Variants in ANKRD40CL observed in about 807,000 individuals in gnomAD.
ANKRD40CL encodes putative ANKRD40 C-terminal-like protein.
For missense variants in ANKRD40CL, 11 were observed against 6.4 expected, an observed-to-expected ratio of 1.71 and a Z score of -0.77; for synonymous variants, 5 against 2.3, an observed-to-expected ratio of 2.14 and a Z score of -1.04.
At chr17:50,764,726 AGCCTGCTTT>A (rs1971267204) in intron 2 of ANKRD40CL, 1 of 152,322 alleles carries the variant, frequency 6.6e-6, no homozygotes, top group Non-Finnish European at 1.5e-5. Flanking sequence ...ACATGTTGAA[AGCCTGCTTT>A]GCACCAGGCA....
At chr17:50,764,392 G>T (rs1971259858) in intron 2 of ANKRD40CL, 1 of 396,382 alleles carries the variant, frequency 2.5e-6, no homozygotes, top group Admixed American at 4.4e-5. Context: ...CAGGAAAAGG[G>T]CAGTAATGAC....
chr17:50,767,276 C>T (rs1367103474), intron 1 of ANKRD40CL, 187 bp downstream of exon 1: 1 of 466,264 alleles, frequency 2.1e-6, no homozygotes, highest in Non-Finnish European at 4.1e-6. Context: ...CCCAGCCAGA[C>T]CCGAGAAGGG....
chr17:50,765,972 TCA>T (rs963071923), intron 2 of ANKRD40CL, among the ~76,000 whole-genome samples: 5 of 152,066 alleles, frequency 3.3e-5, no homozygotes, highest in African/African-American at 1.2e-4. Flanking sequence ...AAGTCAACAA[TCA>T]CAGAATGTTG....
intron 1 of ANKRD40CL, chr17:50,767,243 A>G: frequency 1.9e-6 from 1 of 534,586 alleles, no homozygotes. Context: ...TTCGGAGGGG[A>G]GGCCAGAGAG....
intron 3 of ANKRD40CL, among the ~76,000 whole-genome samples, chr17:50,762,321 AAGGAAC>A (rs1971214944): frequency 6.6e-6 from 1 of 152,168 alleles, no homozygotes; most frequent in South Asian, 2.1e-4. Context: ...AGGATTGCCA[AAGGAAC>A]AGCAGCTCAC....
chr17:50,763,636 ATATC>A, intron 2 of ANKRD40CL, 79 bp from the exon 3 acceptor site: 1 of 398,328 alleles, frequency 2.5e-6, no homozygotes, highest in East Asian at 3.6e-5. Flanking sequence ...AGAGATTTTC[ATATC>A]TATTATTACA....
At chr17:50,761,700 G>A (rs866515390) in intron 3 of ANKRD40CL, among the ~76,000 whole-genome samples, 194 bp from the exon 4 acceptor site, 7 of 152,128 alleles carry the variant, frequency 4.6e-5, no homozygotes, top group Middle Eastern at 3.4e-3. Flanking sequence ...CGCCTCCCAG[G>A]TTCAAGTGAT....
In ANKRD40CL at chr17:50,761,201, C is replaced by A; in HGVS notation, c.*162G>T. ...ACTACTACAGGTGTGCGCCACCACA[C>A]CTAGCTAATTTTTGTATTTTTTTTA... On this transcript the variant is annotated 3_prime_UTR_variant, in exon 4 of 4. Coordinates refer to ENST00000450727, the MANE Select transcript of ANKRD40CL (RefSeq NM_001358683.3). 1 of 356,136 alleles carries A rather than the reference C, an allele frequency of 2.8e-6. No homozygotes were observed. Among genetic ancestry groups the A allele is most frequent in the Non-Finnish European group, 5.0e-6 (1 of 200,080 alleles). 22.1% of individuals were successfully genotyped at this position (356,136 alleles called of 1,614,324 possible).
chr17:50,767,456 T>G lies in ANKRD40CL; in HGVS notation c.-99+7A>C. The G allele has an allele frequency of 3.7e-6, 1 of 272,240 alleles. No homozygotes were observed. Among genetic ancestry groups the G allele is most frequent in the Non-Finnish European group, 7.3e-6 (1 of 136,242 alleles). The allele number at this position is 272,240 out of a possible 1,614,324, so 16.9% of individuals were successfully genotyped here. A position where few individuals can be genotyped will look rare whatever the true frequency, so the allele number is the denominator to read the frequency against. The stretch of plus-strand genomic sequence containing the variant: ...GACAAGAAAGAAGCAGAAAGACCCC[T>G]CCATACCTGGGAAAATGACCTTGGT... On this transcript the variant is annotated splice_region_variant and intron_variant, in intron 1 of 3. Transcript: ENST00000450727.
intron 2 of ANKRD40CL, 95 bp from the exon 3 acceptor site, chr17:50,763,652 C>T: frequency 5.0e-6 from 2 of 397,842 alleles, no homozygotes; most frequent in Non-Finnish European, 8.9e-6. Flanking sequence ...ATTATTACAG[C>T]ATAAATAATC....
chr17:50,766,273 T>C (rs1416766757), intron 2 of ANKRD40CL, among the ~76,000 whole-genome samples: 2 of 152,260 alleles, frequency 1.3e-5, no homozygotes, highest in East Asian at 1.9e-4. Context: ...CACCTGCCAG[T>C]ACCTGACCTG....
chr17:50,761,759 G>A (rs1971205579), intron 3 of ANKRD40CL, among the ~76,000 whole-genome samples: 1 of 151,848 alleles, frequency 6.6e-6, no homozygotes, highest in Admixed American at 6.6e-5. Flanking sequence ...TGAGTAGCTG[G>A]GATTCAGACA....
chr17:50,766,787 C>T, intron 2 of ANKRD40CL, 87 bp downstream of exon 2: 2 of 594,520 alleles, frequency 3.4e-6, no homozygotes, highest in Non-Finnish European at 5.9e-6. Flanking sequence ...CACTGCTGGC[C>T]ACAGCATCAC....
chr17:50,767,451 A>C lies in ANKRD40CL; in HGVS notation c.-99+12T>G. 3.7e-6 allele frequency: 1 copy of C among 268,758 alleles called. No homozygotes were observed. The highest frequency in any genetic ancestry group is 4.2e-5 in the South Asian group (1 of 23,934). The allele number at this position is 268,758 out of a possible 1,614,324, so 16.6% of individuals were successfully genotyped here. A position where few individuals can be genotyped will look rare whatever the true frequency, so the allele number is the denominator to read the frequency against. On this transcript the variant is annotated intron_variant, in intron 1 of 3. Transcript: ENST00000450727. ...TGCATGACAAGAAAGAAGCAGAAAG[A>C]CCCCTCCATACCTGGGAAAATGACC...
At chr17:50,763,971 C>G (rs1335042713) in intron 2 of ANKRD40CL, 1 of 393,690 alleles carries the variant, frequency 2.5e-6, no homozygotes, top group Admixed American at 4.4e-5. Flanking sequence ...TGCAGAGGAG[C>G]AAATCGCTCT....
Position 50,761,411 on chromosome 17 carries a change from C to T in ANKRD40CL, c.297G>A (p.Leu99=). ...SSRLTEYVPS[L]TERPCYDSKA... ...TGCTATCATAGCAGGGCCTTTCTGTCAGAGATGGCACATATTCTGTCAATC... is the reference window on the plus strand; with the variant it reads ...TGCTATCATAGCAGGGCCTTTCTGTTAGAGATGGCACATATTCTGTCAATC... Residue 99 remains leucine (L), a synonymous_variant, in exon 4 of 4, where the codon CTG becomes CTA. Coordinates refer to ENST00000450727, the MANE Select transcript of ANKRD40CL (RefSeq NM_001358683.3). 2.5e-6 allele frequency: 1 copy of T among 398,922 alleles called. No homozygotes were observed. 24.7% of individuals were successfully genotyped at this position (398,922 alleles called of 1,614,324 possible). A position where few individuals can be genotyped will look rare whatever the true frequency, so the allele number is the denominator to read the frequency against.
Position 50,766,939 on chromosome 17 carries a change from G to T in ANKRD40CL, c.-26C>A, listed in dbSNP as rs1234199312. The T allele has an allele frequency of 2.9e-6, 2 of 701,632 alleles. No individual in the cohort carries two copies. Among genetic ancestry groups the T allele is most frequent in the Admixed American group, 4.0e-5 (2 of 49,944 alleles). The allele number at this position is 701,632 out of a possible 1,614,324, so 43.5% of individuals were successfully genotyped here. On this transcript the variant is annotated 5_prime_UTR_variant, in exon 2 of 4. Coordinates refer to ENST00000450727, the MANE Select transcript of ANKRD40CL (RefSeq NM_001358683.3). ...GAGTCACCTCTAGTCCGTCAGATGT[G>T]CAGCCCCTCTCGCATTTATGCACAA...
chr17:50,763,524 A>G lies in ANKRD40CL; in HGVS notation c.74T>C (p.Ile25Thr), dbSNP rs1022036697. ...TTCTTGTCTCTTCAGTTCAATTTCAATGAAGTCATTTTCTTTGGGGTTCTG... is the reference window on the plus strand; with the variant it reads ...TTCTTGTCTCTTCAGTTCAATTTCAGTGAAGTCATTTTCTTTGGGGTTCTG... ...RIQNPKENDF[I>T]EIELKRQELS... The change falls in exon 3 of 4, where the codon ATT becomes ACT. Residue 25 changes from isoleucine (I) to threonine (T), a missense_variant. Coordinates refer to ENST00000450727, the MANE Select transcript of ANKRD40CL (RefSeq NM_001358683.3). 4.3e-5 allele frequency: 17 copies of G among 398,946 alleles called. No homozygotes were observed. Among genetic ancestry groups the G allele is most frequent in the Non-Finnish European group, 7.5e-5 (17 of 226,074 alleles). 24.7% of individuals were successfully genotyped at this position (398,946 alleles called of 1,614,324 possible).
intron 3 of ANKRD40CL, chr17:50,763,177 G>A (rs1054740340): frequency 3.6e-5 from 13 of 364,796 alleles, no homozygotes; most frequent in Non-Finnish European, 5.4e-5. Context: ...TTGTACTGGT[G>A]TGAGCCACCG....
Sources: gnomAD v4.1 joint callset for allele counts (sites outside exome capture counted in the v4.1 genomes callset) on GRCh38, gnomAD v4.1.1 for gene constraint, MANE v1.5 for transcripts, NCBI Gene and HGNC (gene_info 2026-07-23, HGNC 2026-07-21) for gene names.